PID1: variants seen among roughly 807,000 people sequenced by gnomAD.
PID1 encodes phosphotyrosine interaction domain containing 1.
A neutral mutation model predicts 19.1 loss-of-function variants in PID1; 10 were observed. The observed-to-expected ratio is 0.52, with a 90% confidence interval of 0.32 to 0.89. The LOEUF (loss-of-function observed/expected upper bound fraction) is 0.89, where lower values mean the gene tolerates loss of function less well. Among genes scored for constraint, PID1 ranks in the 40% least tolerant of loss-of-function variants. The probability of loss-of-function intolerance (pLI) is 0.03; values close to 1 mark genes in which losing one functional copy is unlikely to be tolerated. For synonymous variants in PID1, 130 were observed against 116.0 expected (o/e 1.12, Z -0.78); for missense variants, 248 against 285.3 (o/e 0.87, Z 0.94).
chr2:229,163,650 A>AGTGTGTGT (rs796992081), intron 1 of PID1, among the ~76,000 whole-genome samples: 8 of 141,064 alleles, frequency 5.7e-5, no homozygotes, highest in African/African-American at 1.8e-4. Flanking sequence ...AGAGAGAGAG[A>AGTGTGTGT]GTGTGTGTGT....
rs764360539 is a variant in PID1, at chr2:229,145,384, G to A, written c.177+10434C>T. On this transcript the variant is annotated intron_variant, in intron 2 of 2. Transcript: ENST00000392055. ...TAGTTTTCTGTGGAGTGTTTCTATG[G>A]TTGGCTAACAAATGAAGTCTACCAT... Among the ~76,000 whole-genome samples, 3 of 151,460 alleles carry A rather than the reference G, an allele frequency of 2.0e-5. 1 individual carries two copies. Among genetic ancestry groups the A allele is most frequent in the African/African-American group, 4.8e-5 (2 of 41,266 alleles).
intron 2 of PID1, among the ~76,000 whole-genome samples, chr2:229,067,884 T>A (rs1032430354): frequency 3.3e-5 from 5 of 152,326 alleles, no homozygotes; most frequent in South Asian, 2.1e-4. Context: ...AGCAGCCTGG[T>A]GCATTCTGTG....
intron 2 of PID1, among the ~76,000 whole-genome samples, chr2:229,046,347 A>AGTGTGT (rs35091766): frequency 0.025 from 3,505 of 141,314 alleles, 54 homozygotes; most frequent in Middle Eastern, 0.04. Context: ...AAATTAGGAA[A>AGTGTGT]GTGTGTGTGT....
chr2:229,050,634 C>T (rs945356900), intron 2 of PID1, among the ~76,000 whole-genome samples: 3 of 152,074 alleles, frequency 2.0e-5, no homozygotes, highest in African/African-American at 7.2e-5. Flanking sequence ...AGTGTATATA[C>T]CGGTGTGTAC....
intron 2 of PID1, among the ~76,000 whole-genome samples, chr2:229,065,729 A>AAAAAAAAAAAAAAAAAAAAAAAAG (rs765746020): frequency 1.1e-4 from 15 of 140,676 alleles, no homozygotes; most frequent in African/African-American, 4.2e-4. Context: ...AAAAAAAAAA[A>AAAAAAAAAAAAAAAAAAAAAAAAG]AAACAGGTTG....
chr2:229,194,844 A>G (rs1194098825), intron 1 of PID1, among the ~76,000 whole-genome samples: 2 of 152,022 alleles, frequency 1.3e-5, no homozygotes, highest in Non-Finnish European at 2.9e-5. Context: ...TACATATGCA[A>G]ATGTACATGT....
intron 1 of PID1, among the ~76,000 whole-genome samples, chr2:229,240,681 A>G (rs1052367768): frequency 6.6e-6 from 1 of 152,136 alleles, no homozygotes; most frequent in Non-Finnish European, 1.5e-5. Context: ...TGCCTAAAAA[A>G]CAAAAGTGTA....
At chr2:229,121,557 C>T (rs1388252958) in intron 2 of PID1, among the ~76,000 whole-genome samples, 1 of 152,144 alleles carries the variant, frequency 6.6e-6, no homozygotes, top group Non-Finnish European at 1.5e-5. Context: ...TTACAAACTC[C>T]TACATTCTCT....
intron 1 of PID1, among the ~76,000 whole-genome samples, chr2:229,218,018 CTGAG>C (rs1691884663): frequency 6.6e-6 from 1 of 152,174 alleles, no homozygotes; most frequent in Non-Finnish European, 1.5e-5. Flanking sequence ...CTCCAGACAA[CTGAG>C]TGTTTCCTCG....
At chr2:229,035,421 T>C (rs534978300) in intron 2 of PID1, among the ~76,000 whole-genome samples, 1 of 152,222 alleles carries the variant, frequency 6.6e-6, no homozygotes, top group South Asian at 2.1e-4. Context: ...TTTAAAGATA[T>C]GTCTGTCTCT....
chr2:229,109,561 T>G (rs1695252413), intron 2 of PID1, among the ~76,000 whole-genome samples: 1 of 152,198 alleles, frequency 6.6e-6, no homozygotes, highest in South Asian at 2.1e-4. Context: ...AGGAGATGGA[T>G]GACTTAAGAC....
intron 1 of PID1, among the ~76,000 whole-genome samples, chr2:229,248,351 T>C (rs1690056650): frequency 1.3e-5 from 2 of 152,162 alleles, no homozygotes; most frequent in African/African-American, 4.8e-5. Flanking sequence ...ATGATGCGAG[T>C]GAGCCTTCTC....
At chr2:229,075,535 A>C (rs1013747686) in intron 2 of PID1, among the ~76,000 whole-genome samples, 4 of 152,186 alleles carry the variant, frequency 2.6e-5, no homozygotes, top group Non-Finnish European at 4.4e-5. Flanking sequence ...AAACTCCATA[A>C]ATCCAGTGAA....
chr2:229,111,181 T>C (rs1450559409), intron 2 of PID1, among the ~76,000 whole-genome samples: 1 of 152,158 alleles, frequency 6.6e-6, no homozygotes, highest in African/African-American at 2.4e-5. Context: ...TCTTTTTCTT[T>C]ATAAATTACC....
At chr2:229,204,164 G>A (rs1212371020) in intron 1 of PID1, among the ~76,000 whole-genome samples, 1 of 152,062 alleles carries the variant, frequency 6.6e-6, no homozygotes, top group Non-Finnish European at 1.5e-5. Flanking sequence ...ATGGCAAGAG[G>A]AGGTCAAGTC....
chr2:229,081,108 C>T (rs192789961), intron 2 of PID1, among the ~76,000 whole-genome samples: 1 of 152,338 alleles, frequency 6.6e-6, no homozygotes, highest in East Asian at 1.9e-4. Context: ...CTATGTTACA[C>T]ATATTCCCAT....
At chr2:229,213,688 C>T (rs1254327610) in intron 1 of PID1, among the ~76,000 whole-genome samples, 1 of 152,172 alleles carries the variant, frequency 6.6e-6, no homozygotes, top group Non-Finnish European at 1.5e-5. Context: ...CAAAGGTAAA[C>T]ATTATATCTT....
chr2:229,164,128 C>G, intron 1 of PID1, among the ~76,000 whole-genome samples: 2 of 152,288 alleles, frequency 1.3e-5, no homozygotes, highest in South Asian at 4.1e-4. Context: ...TGCCTGCCCT[C>G]CTGCCAACTT....
rs542127086 is a variant in PID1, at chr2:229,088,588, A to G, written c.178-62480T>C. 1.8e-3 allele frequency among the ~76,000 whole-genome samples: 275 copies of G among 152,300 alleles called. 3 individuals are homozygous for G. The highest frequency in any genetic ancestry group is 6.3e-3 in the African/African-American group (260 of 41,578). On this transcript the variant is annotated intron_variant, in intron 2 of 2. Coordinates refer to ENST00000392055, the MANE Select transcript of PID1 (RefSeq NM_001100818.2). ...CTTTTGTTCTCAACCTTCAGTCATT[A>G]GAGAAAAAATCTGGTACTATGGACC...
Sources: gnomAD v4.1 joint callset for allele counts (sites outside exome capture counted in the v4.1 genomes callset) on GRCh38, gnomAD v4.1.1 for gene constraint, MANE v1.5 for transcripts, NCBI Gene and HGNC (gene_info 2026-07-23, HGNC 2026-07-21) for gene names.